Variants in LARGE1 observed in about 807,000 individuals in gnomAD.
LARGE1 encodes the protein xylosyl- and glucuronyltransferase LARGE1.
LARGE1 carries 43 observed loss-of-function variants against 87.6 expected under a neutral mutation model. The observed-to-expected ratio is 0.49, with a 90% CI of 0.38 to 0.63. LARGE1 has a LOEUF of 0.63. LARGE1 is among the 30% of genes least tolerant of loss of function. LARGE1 has a pLI of 0.00. For synonymous variants in LARGE1, 434 were observed against 394.6 expected (o/e 1.10, Z -1.18); for missense variants, 802 against 1,000.2 (o/e 0.80, Z 2.67).
chr22:33,442,035 T>A (rs1039556873), intron 6 of LARGE1, among the ~76,000 whole-genome samples: 1 of 152,200 alleles, frequency 6.6e-6, no homozygotes, highest in Non-Finnish European at 1.5e-5. Flanking sequence ...TCAGGGATAA[T>A]CCCTTCTGAG....
chr22:33,382,132 T>C (rs2065180670), intron 8 of LARGE1, 88 bp from the exon 9 acceptor site: 4 of 1,561,280 alleles, frequency 2.6e-6, no homozygotes, highest in Non-Finnish European at 3.5e-6. Flanking sequence ...TCCCCTGTGA[T>C]AGGGCTTCTC....
At chr22:33,235,141 T>C (rs1926189748) in intron 11 of LARGE1, among the ~76,000 whole-genome samples, 3 of 152,212 alleles carry the variant, frequency 2.0e-5, no homozygotes, top group Admixed American at 1.3e-4. Context: ...GAATCAACTA[T>C]GTGTTCAACA....
chr22:33,709,986 A>C (rs1248211499), intron 2 of LARGE1, among the ~76,000 whole-genome samples: 3,458 of 150,346 alleles, frequency 0.023, 121 homozygotes, highest in African/African-American at 0.079. Flanking sequence ...GCAGAAAAAA[A>C]AAAAAAAAAA....
At chr22:33,559,434 G>T (rs925458258) in intron 6 of LARGE1, among the ~76,000 whole-genome samples, 2 of 152,100 alleles carry the variant, frequency 1.3e-5, no homozygotes, top group East Asian at 3.9e-4. Context: ...CACCCCCCTC[G>T]GCCTCCCAAA....
chr22:33,597,302 G>GT (rs1481956582), intron 5 of LARGE1, among the ~76,000 whole-genome samples: 1 of 146,432 alleles, frequency 6.8e-6, no homozygotes, highest in Admixed American at 6.8e-5. Context: ...AAAAAAACTT[G>GT]TAAGTATTAA....
At chr22:33,685,237 G>C (rs767523441) in intron 2 of LARGE1, among the ~76,000 whole-genome samples, 1 of 152,150 alleles carries the variant, frequency 6.6e-6, no homozygotes, top group Admixed American at 6.5e-5. Context: ...CAAATGCCAG[G>C]GGGTATTAAT....
intron 1 of LARGE1, among the ~76,000 whole-genome samples, chr22:33,864,001 A>T (rs2064012163): frequency 6.6e-6 from 1 of 152,232 alleles, no homozygotes; most frequent in African/African-American, 2.4e-5. Context: ...AATGTGAGGC[A>T]TATGGAGCTA....
intron 1 of LARGE1, among the ~76,000 whole-genome samples, chr22:33,858,050 T>C (rs189711284): frequency 1.3e-5 from 2 of 152,224 alleles, no homozygotes; most frequent in African/African-American, 4.8e-5. Context: ...AATGGAATCT[T>C]GGGCCATGTG....
In LARGE1 at chr22:33,764,926, T is replaced by C. The variant is rs572766429; in HGVS notation, c.-82-3368A>G. On this transcript the variant is annotated intron_variant, in intron 1 of 14. Coordinates refer to ENST00000397394, the MANE Select transcript of LARGE1 (RefSeq NM_133642.5). ...TTTCCTGAAGACTTTCAATCACAGT[T>C]GGTTGAATCTGTGAATGTGGAACCC... 6.0e-4 allele frequency among the ~76,000 whole-genome samples: 91 copies of C among 152,170 alleles called. 2 individuals are homozygous for C. The South Asian group carries it at 0.018, about 31-fold the overall frequency.
At chr22:33,747,930 G>A (rs1177136455) in intron 2 of LARGE1, 1 of 149,172 alleles carries the variant, frequency 6.7e-6, no homozygotes, top group Non-Finnish European at 1.5e-5. Context: ...TTATCAACAG[G>A]TGCAATGGAG....
At chr22:33,902,413 G>A (rs935066931) in intron 1 of LARGE1, among the ~76,000 whole-genome samples, 1 of 152,140 alleles carries the variant, frequency 6.6e-6, no homozygotes, top group South Asian at 2.1e-4. Context: ...TCAGAGTATC[G>A]CAGAGAAGCT....
chr22:33,849,848 G>A (rs1026803870), intron 1 of LARGE1, among the ~76,000 whole-genome samples: 7 of 152,018 alleles, frequency 4.6e-5, no homozygotes, highest in Admixed American at 1.3e-4. Context: ...CGATCCTCCC[G>A]CCTCTGCCTC....
At chr22:33,126,108 T>C in the LARGE1 span, among the ~76,000 whole-genome samples, 5 of 152,218 alleles carry the variant, frequency 3.3e-5, no homozygotes, top group African/African-American at 1.2e-4. Flanking sequence ...GTTTGCTTAA[T>C]GGGCACACAA....
intron 9 of LARGE1, among the ~76,000 whole-genome samples, chr22:33,345,126 T>TA (rs773916448): frequency 6.6e-6 from 1 of 152,192 alleles, no homozygotes; most frequent in Non-Finnish European, 1.5e-5. Context: ...ATCAGACACT[T>TA]ACTGTATGCC....
At chr22:33,892,907 C>A (rs1450834842) in intron 1 of LARGE1, among the ~76,000 whole-genome samples, 1 of 152,200 alleles carries the variant, frequency 6.6e-6, no homozygotes, top group Non-Finnish European at 1.5e-5. Context: ...ACATCATGCC[C>A]TATTTCTCAA....
chr22:33,236,895 T>C (rs556951452), intron 11 of LARGE1, among the ~76,000 whole-genome samples: 1 of 152,302 alleles, frequency 6.6e-6, no homozygotes, highest in South Asian at 2.1e-4. Flanking sequence ...TGAACATGCC[T>C]GTATAGGTTA....
At chr22:33,871,999 G>GAAAAAAAAAAAAAAAAAAAAAAAAAAA (rs2064302422) in intron 1 of LARGE1, among the ~76,000 whole-genome samples, 1 of 136,936 alleles carries the variant, frequency 7.3e-6, no homozygotes, top group African/African-American at 2.9e-5. Context: ...AAAAAAAAAA[G>GAAAAAAAAAAAAAAAAAAAAAAAAAAA]AAAAGAAAAC....
intron 5 of LARGE1, among the ~76,000 whole-genome samples, chr22:33,576,816 A>G (rs151180315): frequency 0.011 from 1,704 of 152,290 alleles, 26 homozygotes; most frequent in Non-Finnish European, 0.013. Context: ...GTGCTTATTA[A>G]TACCTAATGC....
chr22:33,280,925 A>G (rs1036681195), intron 13 of LARGE1, among the ~76,000 whole-genome samples: 1 of 152,146 alleles, frequency 6.6e-6, no homozygotes, highest in East Asian at 1.9e-4. Context: ...CATTTCTAAC[A>G]AGTTCCTAAG....
Sources: allele counts gnomAD v4.1 joint callset (sites outside exome capture counted in the v4.1 genomes callset), GRCh38; gene constraint gnomAD v4.1.1; transcripts MANE v1.5; gene names NCBI Gene and HGNC (gene_info 2026-07-23, HGNC 2026-07-21).